Variants in DGKB observed in about 807,000 individuals in gnomAD.
DGKB encodes 90 kDa diacylglycerol kinase.
DGKB carries 67 observed loss-of-function variants against 114.3 expected under a neutral mutation model. The observed-to-expected ratio is 0.59, with a 90% CI of 0.48 to 0.72. DGKB has a LOEUF of 0.72. Among genes scored for constraint, DGKB ranks in the 30% least tolerant of loss-of-function variants. The probability of loss-of-function intolerance (pLI) is 0.00; values close to 1 mark genes in which losing one functional copy is unlikely to be tolerated. For missense variants in DGKB, 907 were observed against 975.2 expected, an observed-to-expected ratio of 0.93 and a Z score of 0.93; for synonymous variants, 398 against 323.1, an observed-to-expected ratio of 1.23 and a Z score of -2.49.
At chr7:14,847,664 T>C (rs1350911088) in intron 1 of DGKB, among the ~76,000 whole-genome samples, 2 of 152,060 alleles carry the variant, frequency 1.3e-5, no homozygotes, top group Non-Finnish European at 2.9e-5. Context: ...ACTACACCCA[T>C]AAATAAATGC....
At chr7:14,877,634 T>A (rs969606376) in intron 1 of DGKB, among the ~76,000 whole-genome samples, 1 of 152,240 alleles carries the variant, frequency 6.6e-6, no homozygotes, top group African/African-American at 2.4e-5. Flanking sequence ...TCCATCACCC[T>A]GTGAGGTTTG....
At chr7:14,274,571 C>A (rs1245477580) in intron 23 of DGKB, among the ~76,000 whole-genome samples, 1 of 152,056 alleles carries the variant, frequency 6.6e-6, no homozygotes, top group Non-Finnish European at 1.5e-5. Flanking sequence ...TTAGTTTGTG[C>A]TGCTATTAAA....
chr7:14,503,594 G>A (rs1000299802), intron 20 of DGKB, among the ~76,000 whole-genome samples: 2 of 152,046 alleles, frequency 1.3e-5, no homozygotes, highest in African/African-American at 4.8e-5. Flanking sequence ...AAATAAAAAG[G>A]TGGTTTTCAA....
intron 23 of DGKB, among the ~76,000 whole-genome samples, chr7:14,290,100 G>T (rs1349237507): frequency 6.6e-6 from 1 of 152,088 alleles, no homozygotes; most frequent in Non-Finnish European, 1.5e-5. Context: ...CCAACTTCTT[G>T]TCTATGTTCA....
At chr7:14,855,716 A>T (rs6955276) in intron 1 of DGKB, among the ~76,000 whole-genome samples, 1,833 of 152,222 alleles carry the variant, frequency 0.012, 38 homozygotes, top group African/African-American at 0.042. Context: ...GATTCTTTTC[A>T]TATTTAATTT....
intron 2 of DGKB, among the ~76,000 whole-genome samples, chr7:14,770,845 T>C (rs1196557041): frequency 6.6e-6 from 1 of 152,056 alleles, no homozygotes; most frequent in Non-Finnish European, 1.5e-5. Context: ...TTAATTTAAA[T>C]ATTAAAAGCG....
At chr7:14,579,698 G>T (rs893079607) in intron 19 of DGKB, among the ~76,000 whole-genome samples, 1 of 151,978 alleles carries the variant, frequency 6.6e-6, no homozygotes, top group African/African-American at 2.4e-5. Flanking sequence ...ACTTAGTCAA[G>T]CACGTATACA....
rs147511684 is a variant in DGKB at position 14,942,724 on chromosome 7, T to TC, written c.-188+31971_-188+31972insG. 3.3e-3 allele frequency among the ~76,000 whole-genome samples: 504 copies of TC among 152,202 alleles called. 1 individual carries two copies. Among genetic ancestry groups the TC allele is most frequent in the African/African-American group, 0.011 (441 of 41,576 alleles). On this transcript the variant is annotated intron_variant, in intron 1 of 4. Coordinates refer to the DGKB transcript ENST00000437998. ...TTCCACTTTGTCTTCTGGAATTTTC[T>TC]TTCCCCAGATATTTGCATGACTCAA...
At chr7:14,477,461 C>T (rs1451032117) in intron 21 of DGKB, among the ~76,000 whole-genome samples, 1 of 152,078 alleles carries the variant, frequency 6.6e-6, no homozygotes, top group Non-Finnish European at 1.5e-5. Flanking sequence ...ATAATTGAAG[C>T]AAAAGATAAT....
chr7:14,438,671 T>C (rs933553456), intron 21 of DGKB, among the ~76,000 whole-genome samples: 2 of 152,136 alleles, frequency 1.3e-5, no homozygotes, highest in Non-Finnish European at 2.9e-5. Flanking sequence ...CATAGTTAGA[T>C]GCAATATTTT....
chr7:14,271,044 T>C (rs1045014655), intron 23 of DGKB, among the ~76,000 whole-genome samples: 2 of 152,208 alleles, frequency 1.3e-5, no homozygotes, highest in East Asian at 1.9e-4. Context: ...AGAAGGATGA[T>C]TTTGGGGAGA....
chr7:14,256,326 T>G (rs1795962275), intron 23 of DGKB, among the ~76,000 whole-genome samples: 1 of 152,068 alleles, frequency 6.6e-6, no homozygotes, highest in Admixed American at 6.5e-5. Flanking sequence ...ACTTGTATTA[T>G]AGTCATATTG....
intron 25 of DGKB, among the ~76,000 whole-genome samples, chr7:14,154,896 C>T (rs113506567): frequency 1.4e-5 from 2 of 147,784 alleles, no homozygotes; most frequent in Non-Finnish European, 3.0e-5. Context: ...GTACCAACTT[C>T]TAAATACTTT....
intron 2 of DGKB, among the ~76,000 whole-genome samples, chr7:14,834,164 C>T (rs1348246628): frequency 1.3e-5 from 2 of 152,112 alleles, no homozygotes; most frequent in South Asian, 4.1e-4. Context: ...ACTTAAGATA[C>T]ATAAGCCTTA....
intron 15 of DGKB, among the ~76,000 whole-genome samples, chr7:14,619,626 T>A (rs1807226125): frequency 6.6e-6 from 1 of 151,658 alleles, no homozygotes; most frequent in Admixed American, 6.6e-5. Context: ...GTTACATACA[T>A]GTTAAAAAAT....
chr7:14,891,236 TGAA>T (rs1781180807), intron 1 of DGKB, among the ~76,000 whole-genome samples: 1 of 151,390 alleles, frequency 6.6e-6, no homozygotes, highest in Non-Finnish European at 1.5e-5. Flanking sequence ...TTTCAGAGAA[TGAA>T]GAAGATAGTC....
At chr7:14,470,293 G>T (rs916245866) in intron 21 of DGKB, among the ~76,000 whole-genome samples, 23 of 151,752 alleles carry the variant, frequency 1.5e-4, no homozygotes, top group Non-Finnish European at 2.7e-4. Flanking sequence ...AATTTCAGTA[G>T]TCCTGTTTAC....
chr7:14,443,947 C>A (rs904001067), intron 21 of DGKB, among the ~76,000 whole-genome samples: 23 of 151,730 alleles, frequency 1.5e-4, no homozygotes, highest in African/African-American at 5.3e-4. Flanking sequence ...TATTTAATTT[C>A]TTTTCATTTT....
chr7:14,822,707 G>C (rs1471645163), intron 2 of DGKB, among the ~76,000 whole-genome samples: 1 of 152,098 alleles, frequency 6.6e-6, no homozygotes, highest in Admixed American at 6.6e-5. Context: ...TGGGTCTACA[G>C]AATAGAGGAA....
Sources: allele counts gnomAD v4.1 joint callset (sites outside exome capture counted in the v4.1 genomes callset), GRCh38; gene constraint gnomAD v4.1.1; transcripts MANE v1.5; gene names NCBI Gene and HGNC (gene_info 2026-07-23, HGNC 2026-07-21).